The following KCNK1 variants were observed in gnomAD, a reference collection of about 807,000 sequenced individuals.
The protein encoded by KCNK1 is potassium two pore domain channel subfamily K member 1.
In KCNK1, 10 loss-of-function variants were observed where a neutral mutation model predicts 22.2. That is an observed-to-expected ratio of 0.45 (90% confidence interval 0.28 to 0.76). The LOEUF (loss-of-function observed/expected upper bound fraction) is 0.76, where lower values mean the gene tolerates loss of function less well. Among genes scored for constraint, KCNK1 ranks in the 30% least tolerant of loss-of-function variants. The probability of loss-of-function intolerance (pLI) is 0.14; values close to 1 mark genes in which losing one functional copy is unlikely to be tolerated. For missense variants in KCNK1, 378 were observed against 421.0 expected (o/e 0.90, Z 0.89); for synonymous variants, 200 against 186.4 (o/e 1.07, Z -0.60).
chr1:233,621,350 C>A (rs930309023), intron 1 of KCNK1, among the ~76,000 whole-genome samples: 1 of 152,168 alleles, frequency 6.6e-6, no homozygotes, highest in African/African-American at 2.4e-5. Flanking sequence ...TTAAGCCACC[C>A]ACTGGTGATA....
At chr1:233,641,110 G>T (rs1202969245) in intron 1 of KCNK1, among the ~76,000 whole-genome samples, 1 of 152,146 alleles carries the variant, frequency 6.6e-6, no homozygotes, top group Admixed American at 6.5e-5. Flanking sequence ...AGTTTCTTCA[G>T]CAAATAAATG....
chr1:233,634,327 A>G (rs1279599525), intron 1 of KCNK1, among the ~76,000 whole-genome samples: 1 of 152,092 alleles, frequency 6.6e-6, no homozygotes, highest in East Asian at 1.9e-4. Context: ...ACAAAAAAAA[A>G]AAAAAAGAAA....
At chr1:233,625,941 C>G (rs565083781) in intron 1 of KCNK1, among the ~76,000 whole-genome samples, 2 of 152,144 alleles carry the variant, frequency 1.3e-5, no homozygotes, top group East Asian at 3.9e-4. Flanking sequence ...GTAGGATGTC[C>G]TAGGCCACTG....
chr1:233,626,441 T>TGG (rs1468794268), intron 1 of KCNK1, among the ~76,000 whole-genome samples: 1 of 152,038 alleles, frequency 6.6e-6, no homozygotes, highest in Non-Finnish European at 1.5e-5. Flanking sequence ...TAAACCCTAA[T>TGG]GGGGCGTGAT....
At chr1:233,628,379 A>G (rs561187545) in intron 1 of KCNK1, among the ~76,000 whole-genome samples, 1 of 152,198 alleles carries the variant, frequency 6.6e-6, no homozygotes, top group Non-Finnish European at 1.5e-5. Context: ...AGTTCATGAG[A>G]AGCCCAAGCC....
chr1:233,625,149 A>G (rs1000740143), intron 1 of KCNK1, among the ~76,000 whole-genome samples: 1 of 152,262 alleles, frequency 6.6e-6, no homozygotes, highest in Non-Finnish European at 1.5e-5. Context: ...TCAACAAAGT[A>G]TAAACAGGTG....
intron 1 of KCNK1, among the ~76,000 whole-genome samples, chr1:233,637,974 A>T (rs1657932191): frequency 6.8e-6 from 1 of 147,384 alleles, no homozygotes; most frequent in South Asian, 2.2e-4. Context: ...TGAATGCTTG[A>T]CAATGTCGTG....
rs1658472187 is a variant in KCNK1, at chr1:233,665,469, A to G, written c.356-1126A>G. On this transcript the variant is annotated intron_variant, in intron 1 of 2. Transcript: ENST00000366621. ...CACTTCACAAGTCAATTGTATTGCA[A>G]GCCATACATAATAGTATACTTAATC... is the stretch of plus-strand genomic sequence containing the variant. Among the ~76,000 whole-genome samples, 4 of 152,254 alleles carry G rather than the reference A, an allele frequency of 2.6e-5. No homozygotes were observed. The South Asian group carries it at 8.3e-4, about 31-fold the overall frequency.
At chr1:233,645,009 A>G (rs931157833) in intron 1 of KCNK1, among the ~76,000 whole-genome samples, 1 of 152,116 alleles carries the variant, frequency 6.6e-6, no homozygotes, top group African/African-American at 2.4e-5. Flanking sequence ...CCTGGCCAAC[A>G]TGGTGAAACC....
chr1:233,658,261 G>C (rs1658334186), intron 1 of KCNK1, among the ~76,000 whole-genome samples: 1 of 152,136 alleles, frequency 6.6e-6, no homozygotes, highest in Non-Finnish European at 1.5e-5. Context: ...TCATTTACTA[G>C]TTTGAGGGGC....
chr1:233,619,956 A>G (rs2102881073), intron 1 of KCNK1, among the ~76,000 whole-genome samples: 1 of 152,100 alleles, frequency 6.6e-6, no homozygotes, highest in East Asian at 1.9e-4. Flanking sequence ...GGTGAAGAGT[A>G]GAACGAAGTG....
intron 1 of KCNK1, among the ~76,000 whole-genome samples, chr1:233,635,989 T>C (rs1657889660): frequency 6.6e-6 from 1 of 152,096 alleles, no homozygotes; most frequent in African/African-American, 2.4e-5. Flanking sequence ...CTCTGCATAA[T>C]AGGGGAAAGA....
chr1:233,641,487 C>T (rs1390705495), intron 1 of KCNK1, among the ~76,000 whole-genome samples: 3 of 152,146 alleles, frequency 2.0e-5, no homozygotes, highest in Non-Finnish European at 2.9e-5. Context: ...AAACAAAAAT[C>T]CCAATTTATA....
At chr1:233,667,033 T>A in intron 2 of KCNK1, 43 bp downstream of exon 2, 1 of 1,323,088 alleles carries the variant, frequency 7.6e-7, no homozygotes, top group South Asian at 1.9e-5. Context: ...GTCTCCTTTA[T>A]TTTATTTATT....
chr1:233,618,017 TTCTTGGAATCTCTGTG>T (rs1393408367), intron 1 of KCNK1, among the ~76,000 whole-genome samples: 5 of 152,216 alleles, frequency 3.3e-5, no homozygotes, highest in Non-Finnish European at 5.9e-5. Context: ...GTTCAGATTT[TTCTTGGAATCTCTGTG>T]TCTTCAAAGA....
chr1:233,671,703 A>G lies in KCNK1; in HGVS notation c.*173A>G. ...CAAAAAAAGACAAATGGAACAAAGAAGCTGTGACCCCAGCAGGATGTCTAA... is the reference window on the plus strand; with the variant it reads ...CAAAAAAAGACAAATGGAACAAAGAGGCTGTGACCCCAGCAGGATGTCTAA... On this transcript the variant is annotated 3_prime_UTR_variant, in exon 3 of 3. Transcript: ENST00000366621. 1 of 724,014 alleles carries G rather than the reference A, an allele frequency of 1.4e-6. No homozygotes were observed. The highest frequency in any genetic ancestry group is 1.9e-5 in the South Asian group (1 of 51,398). 44.8% of individuals were successfully genotyped at this position (724,014 alleles called of 1,614,324 possible).
chr1:233,667,685 G>A (rs879835140), intron 2 of KCNK1, among the ~76,000 whole-genome samples: 8 of 134,572 alleles, frequency 5.9e-5, no homozygotes, highest in South Asian at 2.3e-4. Context: ...AGCCGAGATC[G>A]CGCCACTGCA....
At chr1:233,622,617 G>C (rs557023620) in intron 1 of KCNK1, among the ~76,000 whole-genome samples, 1 of 152,146 alleles carries the variant, frequency 6.6e-6, no homozygotes, top group South Asian at 2.1e-4. Flanking sequence ...ATATTGCAAG[G>C]TGATGCCCCC....
chr1:233,634,965 T>A (rs1024403084), intron 1 of KCNK1, among the ~76,000 whole-genome samples: 1 of 152,222 alleles, frequency 6.6e-6, no homozygotes, highest in Non-Finnish European at 1.5e-5. Flanking sequence ...CCCTCACTCG[T>A]ACTCAGGCTT....
Sources: allele counts gnomAD v4.1 joint callset (sites outside exome capture counted in the v4.1 genomes callset), GRCh38; gene constraint gnomAD v4.1.1; transcripts MANE v1.5; gene names NCBI Gene and HGNC (gene_info 2026-07-23, HGNC 2026-07-21).